LHFPL6: variants seen among roughly 807,000 people sequenced by gnomAD.
LHFPL6 encodes the protein LHFPL tetraspan subfamily member 6 protein.
A neutral mutation model predicts 20.6 loss-of-function variants in LHFPL6; 9 were observed. The observed-to-expected ratio is 0.44, with a 90% CI of 0.26 to 0.76. The LOEUF is 0.76. LHFPL6 is among the 30% of genes least tolerant of loss of function. The pLI, the probability that LHFPL6 is intolerant of heterozygous loss-of-function variation, is 0.20. For missense variants in LHFPL6, 218 were observed against 253.5 expected, an observed-to-expected ratio of 0.86 and a Z score of 0.95; for synonymous variants, 105 against 98.7, an observed-to-expected ratio of 1.06 and a Z score of -0.38.
chr13:39,355,764 C>G (rs1202211294), intron 3 of LHFPL6, among the ~76,000 whole-genome samples: 1 of 152,132 alleles, frequency 6.6e-6, no homozygotes, highest in Non-Finnish European at 1.5e-5. Context: ...AGACTTCAAA[C>G]CAACCACAGT....
At chr13:39,426,344 C>A (rs1257336083) in intron 2 of LHFPL6, among the ~76,000 whole-genome samples, 2 of 152,116 alleles carry the variant, frequency 1.3e-5, no homozygotes, top group African/African-American at 4.8e-5. Flanking sequence ...CCTCAGCCTC[C>A]CGAGTAGCAG....
At chr13:39,348,361 GC>G (rs1384066155) in intron 3 of LHFPL6, among the ~76,000 whole-genome samples, 1 of 152,134 alleles carries the variant, frequency 6.6e-6, no homozygotes, top group East Asian at 1.9e-4. Flanking sequence ...CAGCTGAAGT[GC>G]CCCCTGGTGT....
intron 2 of LHFPL6, among the ~76,000 whole-genome samples, chr13:39,384,835 A>G (rs9603530): frequency 0.097 from 14,705 of 152,210 alleles, 755 homozygotes; most frequent in African/African-American, 0.13. Flanking sequence ...TTCCTTTGTC[A>G]CCGCCATAAA....
At chr13:39,455,977 A>G (rs890698356) in intron 2 of LHFPL6, among the ~76,000 whole-genome samples, 2 of 152,252 alleles carry the variant, frequency 1.3e-5, no homozygotes, top group African/African-American at 4.8e-5. Flanking sequence ...AAATGTATTG[A>G]CTTGACTGCC....
chr13:39,492,695 A>G (rs1454369944), intron 2 of LHFPL6, among the ~76,000 whole-genome samples: 1 of 151,472 alleles, frequency 6.6e-6, no homozygotes, highest in African/African-American at 2.4e-5. Flanking sequence ...ATGGAGTTTC[A>G]CTCCTGTCGC....
chr13:39,343,377 C>T lies in LHFPL6; in HGVS notation c.*559G>A, dbSNP rs911814099. 4 of 230,756 alleles carry T rather than the reference C, an allele frequency of 1.7e-5. No homozygotes were observed. Among genetic ancestry groups the T allele is most frequent in the Non-Finnish European group, 3.4e-5 (4 of 116,380 alleles). 14.3% of individuals were successfully genotyped at this position (230,756 alleles called of 1,614,324 possible). A position where few individuals can be genotyped will look rare whatever the true frequency, so the allele number is the denominator to read the frequency against. The stretch of plus-strand genomic sequence containing the variant: ...ACAGAGGAGAAATGCACCACTAAAC[C>T]TCCCAGTCTGTGCGATAATCCACGT... On this transcript the variant is annotated 3_prime_UTR_variant, in exon 4 of 4. Transcript: ENST00000379589.
chr13:39,550,331 T>C (rs1044394560), intron 2 of LHFPL6, among the ~76,000 whole-genome samples: 2 of 151,972 alleles, frequency 1.3e-5, no homozygotes, highest in African/African-American at 4.8e-5. Context: ...TTGGTTGTGG[T>C]GGGGGTTACA....
Position 39,496,562 on chromosome 13 carries a change from C to T in LHFPL6, c.385+104270G>A, listed in dbSNP as rs972268338. Among the ~76,000 whole-genome samples, 6 of 152,228 alleles carry T rather than the reference C, an allele frequency of 3.9e-5. No homozygotes were observed. In the South Asian group the frequency reaches 6.2e-4, roughly 16 times the overall value. ...ATGCAGGCATGCAATGACATTTATA[C>T]TTCCCAAATGCAAAGGACCAGATGT... On this transcript the variant is annotated intron_variant, in intron 2 of 3. Transcript: ENST00000379589.
At chr13:39,464,656 G>T (rs1330667426) in intron 2 of LHFPL6, among the ~76,000 whole-genome samples, 1 of 149,890 alleles carries the variant, frequency 6.7e-6, no homozygotes, top group Non-Finnish European at 1.5e-5. Flanking sequence ...ACATTTGAAA[G>T]ACTCAATGTA....
intron 2 of LHFPL6, among the ~76,000 whole-genome samples, chr13:39,461,359 G>A (rs1872683686): frequency 6.6e-6 from 1 of 152,172 alleles, no homozygotes; most frequent in Non-Finnish European, 1.5e-5. Context: ...ACGCAGTAAT[G>A]GGATTGCTGG....
chr13:39,373,622 C>T (rs1392091821), intron 3 of LHFPL6, among the ~76,000 whole-genome samples: 5 of 152,126 alleles, frequency 3.3e-5, no homozygotes, highest in Non-Finnish European at 7.3e-5. Context: ...CCTTGAGAGC[C>T]GCAGGGATCA....
At chr13:39,592,514 T>C (rs1244218703) in intron 2 of LHFPL6, among the ~76,000 whole-genome samples, 2 of 152,124 alleles carry the variant, frequency 1.3e-5, no homozygotes, top group Non-Finnish European at 2.9e-5. Context: ...CAGGACCAGA[T>C]GGATGCACAG....
chr13:39,348,415 G>A (rs529094201), intron 3 of LHFPL6, among the ~76,000 whole-genome samples: 11 of 152,142 alleles, frequency 7.2e-5, no homozygotes, highest in Non-Finnish European at 4.4e-5. Flanking sequence ...TGTGCACACC[G>A]GGCTTTCTTC....
chr13:39,349,783 C>G (rs1180126955), intron 3 of LHFPL6, among the ~76,000 whole-genome samples: 1 of 152,226 alleles, frequency 6.6e-6, no homozygotes, highest in Admixed American at 6.5e-5. Context: ...CAGGAGTGAG[C>G]CAAGCGTGAA....
At chr13:39,387,455 G>A (rs1241334142) in intron 2 of LHFPL6, among the ~76,000 whole-genome samples, 1 of 146,728 alleles carries the variant, frequency 6.8e-6, no homozygotes, top group Non-Finnish European at 1.5e-5. Flanking sequence ...GCTGAGGCAG[G>A]AGAATCGCTT....
At chr13:39,526,550 C>T (rs1593349643) in intron 2 of LHFPL6, among the ~76,000 whole-genome samples, 1 of 152,232 alleles carries the variant, frequency 6.6e-6, no homozygotes, top group East Asian at 1.9e-4. Flanking sequence ...ACTGGACTTG[C>T]AATCTAGGTT....
At chr13:39,558,955 G>A (rs370029910) in intron 2 of LHFPL6, among the ~76,000 whole-genome samples, 3 of 152,214 alleles carry the variant, frequency 2.0e-5, no homozygotes, top group South Asian at 2.1e-4. Flanking sequence ...ATGAAATCAC[G>A]CCTTTGGTCT....
chr13:39,447,848 G>T (rs1252066311), intron 2 of LHFPL6, among the ~76,000 whole-genome samples: 1 of 152,222 alleles, frequency 6.6e-6, no homozygotes. Flanking sequence ...TGGAAAGTGA[G>T]AAACAGGAAG....
intron 2 of LHFPL6, among the ~76,000 whole-genome samples, chr13:39,568,757 C>T (rs1374093964): frequency 1.3e-5 from 2 of 152,192 alleles, no homozygotes; most frequent in African/African-American, 4.8e-5. Context: ...CTAATGTTCA[C>T]ACTGTCCAGT....
Sources: gnomAD v4.1 joint callset for allele counts (sites outside exome capture counted in the v4.1 genomes callset) on GRCh38, gnomAD v4.1.1 for gene constraint, MANE v1.5 for transcripts, NCBI Gene and HGNC (gene_info 2026-07-23, HGNC 2026-07-21) for gene names.